SCAI: variants seen among roughly 807,000 people sequenced by gnomAD.
The protein encoded by SCAI is protein SCAI.
Under a neutral mutation model 92.2 loss-of-function variants are expected in SCAI, and 24 were observed. That is an observed-to-expected ratio of 0.26 (90% CI 0.19 to 0.37). The LOEUF (loss-of-function observed/expected upper bound fraction) is 0.37. SCAI is among the 10% of genes least tolerant of loss of function. The pLI is 1.00. For synonymous variants in SCAI, 261 were observed against 258.6 expected (o/e 1.01, Z -0.09); for missense variants, 450 against 736.2 (o/e 0.61, Z 4.50).
At position 124,951,484 on chromosome 9, in the gene SCAI, A is replaced by C. The variant is rs1588111426; in HGVS notation, c.*1323T>G. 1 of 152,210 alleles carries C rather than the reference A, an allele frequency of 6.6e-6. No homozygotes were observed. Among genetic ancestry groups the C allele is most frequent in the East Asian group, 1.9e-4 (1 of 5,200 alleles). The allele number at this position is 152,210 out of a possible 1,614,324, so 9.4% of individuals were successfully genotyped here. On this transcript the variant is annotated 3_prime_UTR_variant, in exon 18 of 18. Transcript: ENST00000336505. ...AGCCCCACTGCACTCCAACCTGGGC[A>C]ACAAAAGCAAGACTCTGTTTCAAAA...
At position 125,015,002 on chromosome 9, in the gene SCAI, C is replaced by T. The variant is rs544411980; in HGVS notation, c.861+3797G>A. On this transcript the variant is annotated intron_variant, in intron 9 of 17. Transcript: ENST00000336505. ...ATATGTAGAAAGCTGAAACTGGATC[C>T]CTTCCTTACACCTTATACAAAAATT... 5.2e-4 allele frequency among the ~76,000 whole-genome samples: 79 copies of T among 152,152 alleles called. 1 individual carries two copies. The highest frequency in any genetic ancestry group is 1.9e-3 in the African/African-American group (78 of 41,518).
At chr9:125,135,754 G>T (rs984960404) in intron 2 of SCAI, among the ~76,000 whole-genome samples, 1 of 152,130 alleles carries the variant, frequency 6.6e-6, no homozygotes, top group Non-Finnish European at 1.5e-5. Context: ...CGGATCACCG[G>T]AGGTCAGGAA....
chr9:125,011,630 T>C (rs1263597572), intron 9 of SCAI, among the ~76,000 whole-genome samples: 1 of 152,192 alleles, frequency 6.6e-6, no homozygotes, highest in African/African-American at 2.4e-5. Flanking sequence ...CCAGGAGAAC[T>C]TCCCCAATCT....
intron 2 of SCAI, among the ~76,000 whole-genome samples, chr9:125,080,152 C>A (rs148475186): frequency 6.6e-6 from 1 of 152,070 alleles, no homozygotes; most frequent in Non-Finnish European, 1.5e-5. Context: ...CAAGCTCCCA[C>A]GCTCCAGAAA....
At chr9:124,974,063 T>C (rs900815677) in intron 15 of SCAI, 4 of 257,326 alleles carry the variant, frequency 1.6e-5, no homozygotes, top group Admixed American at 1.6e-4. Context: ...GTGAATCACT[T>C]ATAATAACCG....
intron 1 of SCAI, among the ~76,000 whole-genome samples, chr9:125,142,900 T>C (rs979079697): frequency 1.3e-5 from 2 of 151,198 alleles, no homozygotes; most frequent in African/African-American, 2.4e-5. Flanking sequence ...AGCTCAAACC[T>C]TCCTGGTCCC....
chr9:125,128,090 A>C (rs1211540916), intron 2 of SCAI, among the ~76,000 whole-genome samples: 1 of 152,040 alleles, frequency 6.6e-6, no homozygotes, highest in Non-Finnish European at 1.5e-5. Flanking sequence ...GGGCAGAAGG[A>C]TTGCTTGAGG....
intron 14 of SCAI, among the ~76,000 whole-genome samples, chr9:124,992,246 A>AG (rs1832143013): frequency 6.6e-6 from 1 of 151,790 alleles, no homozygotes; most frequent in Admixed American, 6.6e-5. Flanking sequence ...AAAAATAAAT[A>AG]TGAGACACCT....
At chr9:125,029,616 C>G in intron 4 of SCAI, 28 bp downstream of exon 4, 1 of 1,451,328 alleles carries the variant, frequency 6.9e-7, no homozygotes, top group Non-Finnish European at 9.6e-7. Flanking sequence ...CAGGCCTTCA[C>G]TCTCCTTTAA....
At chr9:124,953,965 CA>C (rs1387184863) in intron 17 of SCAI, among the ~76,000 whole-genome samples, 1 of 152,180 alleles carries the variant, frequency 6.6e-6, no homozygotes, top group Non-Finnish European at 1.5e-5. Context: ...CCTCCCACCT[CA>C]GTCTCCCAAG....
At chr9:125,030,445 A>C (rs1412960263) in intron 3 of SCAI, among the ~76,000 whole-genome samples, 1 of 152,244 alleles carries the variant, frequency 6.6e-6, no homozygotes, top group Admixed American at 6.5e-5. Context: ...ACAGTGCCCC[A>C]AAACCACAGA....
At chr9:125,137,603 C>CTTTA (rs941164191) in intron 2 of SCAI, among the ~76,000 whole-genome samples, 2 of 152,008 alleles carry the variant, frequency 1.3e-5, no homozygotes, top group Admixed American at 6.6e-5. Flanking sequence ...AAGAAGCAAT[C>CTTTA]TTTATTTATT....
intron 14 of SCAI, among the ~76,000 whole-genome samples, chr9:124,982,679 CAAAAAAAA>C (rs35467160): frequency 1.3e-5 from 1 of 74,092 alleles, no homozygotes; most frequent in African/African-American, 5.2e-5. Flanking sequence ...GACTCTGTCT[CAAAAAAAA>C]AAAAAAAAAA....
At chr9:124,966,463 T>C (rs946271201) in intron 17 of SCAI, among the ~76,000 whole-genome samples, 1 of 152,186 alleles carries the variant, frequency 6.6e-6, no homozygotes, top group Non-Finnish European at 1.5e-5. Flanking sequence ...TACTTTTGTT[T>C]ACACTTCTCT....
At chr9:125,133,511 C>T (rs536556634) in intron 2 of SCAI, among the ~76,000 whole-genome samples, 34 of 152,222 alleles carry the variant, frequency 2.2e-4, no homozygotes, top group African/African-American at 7.7e-4. Flanking sequence ...GGATACTTCA[C>T]TAAGTTATAT....
intron 9 of SCAI, chr9:125,003,821 A>T (rs1263365775): frequency 2.4e-6 from 1 of 424,044 alleles, no homozygotes; most frequent in Non-Finnish European, 4.2e-6. Context: ...ATACCTCTCC[A>T]GCCATATACA....
At chr9:125,018,979 C>A (rs748595068) in intron 8 of SCAI, 28 bp from the exon 9 acceptor site, 2 of 1,608,166 alleles carry the variant, frequency 1.2e-6, no homozygotes, top group South Asian at 2.2e-5. Flanking sequence ...AAGAACTTAA[C>A]GAATGGCCAA....
chr9:125,109,646 T>C (rs188444831), intron 2 of SCAI, among the ~76,000 whole-genome samples: 176 of 143,204 alleles, frequency 1.2e-3, no homozygotes, highest in Non-Finnish European at 2.2e-3. Context: ...TAAATCAAGG[T>C]TTCCATTTAT....
rs748760326 is a variant in SCAI, at chr9:125,003,574, C to T, written c.862-4G>A. ...CAGTTAGTTCACTGAACTTAACCTGCAAGAAAAAAAAAAACAAACACAACC... is the reference window on the plus strand; with the variant it reads ...CAGTTAGTTCACTGAACTTAACCTGTAAGAAAAAAAAAAACAAACACAACC... On this transcript the variant is annotated splice_region_variant and splice_polypyrimidine_tract_variant and intron_variant, in intron 9 of 17. Coordinates refer to ENST00000336505, the MANE Select transcript of SCAI (RefSeq NM_001144877.3). 2 of 1,560,026 alleles carry T rather than the reference C, an allele frequency of 1.3e-6. No homozygotes were observed. The highest frequency in any genetic ancestry group is 1.4e-5 in the African/African-American group (1 of 72,454).
Sources: gnomAD v4.1 joint callset for allele counts (sites outside exome capture counted in the v4.1 genomes callset) on GRCh38, gnomAD v4.1.1 for gene constraint, MANE v1.5 for transcripts, NCBI Gene and HGNC (gene_info 2026-07-23, HGNC 2026-07-21) for gene names.